GPATCH8: variants seen among roughly 807,000 people sequenced by gnomAD.
GPATCH8 encodes G patch domain-containing protein 8.
A neutral mutation model predicts 118.3 loss-of-function variants in GPATCH8; 18 were observed. The observed-to-expected ratio is 0.15, with a 90% CI of 0.11 to 0.23. The LOEUF is 0.23. GPATCH8 is among the 10% of genes least tolerant of loss of function. GPATCH8 has a pLI of 1.00. For missense variants in GPATCH8, 1,631 were observed against 1,873.8 expected, an observed-to-expected ratio of 0.87 and a Z score of 2.39; for synonymous variants, 659 against 684.7, an observed-to-expected ratio of 0.96 and a Z score of 0.59.
chr17:44,397,667 C>A lies in GPATCH8; in HGVS notation c.4410G>T (p.Arg1470=). The A allele has an allele frequency of 6.2e-7, 1 of 1,612,586 alleles. No homozygotes were observed. Among genetic ancestry groups the A allele is most frequent in the Non-Finnish European group, 8.5e-7 (1 of 1,178,998 alleles). ...GTGCAGTGGCAGCTGCTGCAGCAGGCCGTGGAGCAAGTAGGGTGGGGTAGA... is the reference window on the plus strand; with the variant it reads ...GTGCAGTGGCAGCTGCTGCAGCAGGACGTGGAGCAAGTAGGGTGGGGTAGA... ...AALYPTLLAP[R]PAAAAATALH... is the part of the protein sequence containing the mutation. Residue 1470 remains arginine (R), a synonymous_variant, in exon 8 of 8, where the codon CGG becomes CGT. Coordinates refer to ENST00000591680, the MANE Select transcript of GPATCH8 (RefSeq NM_001002909.4).
chr17:44,421,843 C>T lies in GPATCH8; in HGVS notation c.492+2506G>A, dbSNP rs970719273. 5.3e-5 allele frequency among the ~76,000 whole-genome samples: 8 copies of T among 151,940 alleles called. 1 individual carries two copies. The East Asian group carries it at 7.8e-4, about 15-fold the overall frequency. On this transcript the variant is annotated intron_variant, in intron 6 of 7. Coordinates refer to ENST00000591680, the MANE Select transcript of GPATCH8 (RefSeq NM_001002909.4). Reference sequence around the variant, plus strand: ...CCAGGTTCAGGCAATTCTCGTGCCTCGAACCCCCAAGCAGCTGGGATTACA... The same window carrying T: ...CCAGGTTCAGGCAATTCTCGTGCCTTGAACCCCCAAGCAGCTGGGATTACA...
At chr17:44,419,818 A>ACCCAGTGGGTTCCTCAGACATT (rs1300307305) in intron 6 of GPATCH8, among the ~76,000 whole-genome samples, 14 of 152,280 alleles carry the variant, frequency 9.2e-5, no homozygotes, top group Non-Finnish European at 1.3e-4. Flanking sequence ...GAGCCACTGC[A>ACCCAGTGGGTTCCTCAGACATT]CCCAGTGGGT....
intron 3 of GPATCH8, among the ~76,000 whole-genome samples, chr17:44,459,654 T>G (rs1050336103): frequency 1.3e-5 from 2 of 151,978 alleles, no homozygotes; most frequent in African/African-American, 4.8e-5. Flanking sequence ...ACATACTTAA[T>G]TTAAGTATGA....
At chr17:44,448,776 TA>T (rs538345312) in intron 3 of GPATCH8, among the ~76,000 whole-genome samples, 4,925 of 133,100 alleles carry the variant, frequency 0.037, 161 homozygotes, top group African/African-American at 0.092. Context: ...GCTAAGACTA[TA>T]AAAAAAAAAA....
At chr17:44,408,640 T>C (rs2049318691) in intron 6 of GPATCH8, among the ~76,000 whole-genome samples, 1 of 152,164 alleles carries the variant, frequency 6.6e-6, no homozygotes, top group South Asian at 2.1e-4. Flanking sequence ...TTTATCAAAG[T>C]ATGGAGTCCC....
Position 44,397,936 on chromosome 17 carries a change from G to T in GPATCH8, c.4141C>A (p.Gln1381Lys). The T allele has an allele frequency of 6.2e-7, 1 of 1,613,294 alleles. No homozygotes were observed. Among genetic ancestry groups the T allele is most frequent in the African/African-American group, 1.3e-5 (1 of 75,036 alleles). Reference sequence around the variant, plus strand: ...GCAGCAGCTGCGGCAGCATGATGTTGTAGGATGGCATGCTGAACAGTTGTG... The same window carrying T: ...GCAGCAGCTGCGGCAGCATGATGTTTTAGGATGGCATGCTGAACAGTTGTG... The part of the protein sequence containing the change: ...SITTVQHAIL[Q>K]HHAAAAAAAI... The change falls in exon 8 of 8, where the codon CAA (glutamine) becomes AAA (lysine). Residue 1381 changes from glutamine to lysine, a missense_variant. By Grantham distance (53) the Gln-to-Lys change is moderately conservative (BLOSUM62 1). Coordinates refer to ENST00000591680, the MANE Select transcript of GPATCH8 (RefSeq NM_001002909.4).
intron 6 of GPATCH8, among the ~76,000 whole-genome samples, chr17:44,420,081 G>A (rs888010019): frequency 1.3e-5 from 2 of 150,570 alleles, no homozygotes; most frequent in Non-Finnish European, 2.9e-5. Flanking sequence ...TTAAGATGAA[G>A]AAATAAACTC....
rs1216451999 is a variant in GPATCH8 at position 44,396,307 on chromosome 17, G to C, written c.*1261C>G. 6.6e-6 allele frequency: 3 copies of C among 454,328 alleles called. No individual in the cohort carries two copies. Among genetic ancestry groups the C allele is most frequent in the African/African-American group, 2.0e-5 (1 of 49,964 alleles). The allele number at this position is 454,328 out of a possible 1,614,324, so 28.1% of individuals were successfully genotyped here. ...TTGAATCCCCTCCTTCTCCTCTGTG[G>C]GGTCTACCTGTTTCTCTGTGTAAAA... On this transcript the variant is annotated 3_prime_UTR_variant, in exon 8 of 8. Transcript: ENST00000591680.
intron 3 of GPATCH8, among the ~76,000 whole-genome samples, chr17:44,446,096 T>C (rs1464958476): frequency 1.3e-5 from 2 of 151,494 alleles, no homozygotes; most frequent in East Asian, 2.0e-4. Context: ...CTCACCACCA[T>C]GTGTGGCTAA....
At chr17:44,495,497 T>G (rs1436213452) in intron 1 of GPATCH8, among the ~76,000 whole-genome samples, 2 of 152,190 alleles carry the variant, frequency 1.3e-5, no homozygotes, top group East Asian at 3.8e-4. Context: ...ACCTTACTAC[T>G]TATGTTATCT....
chr17:44,430,259 A>C (rs929603255), intron 5 of GPATCH8, among the ~76,000 whole-genome samples: 4 of 152,232 alleles, frequency 2.6e-5, no homozygotes, highest in African/African-American at 9.6e-5. Flanking sequence ...TTCTGTGTAC[A>C]GATGCAAAAA....
At chr17:44,471,863 C>T (rs1365478874) in intron 2 of GPATCH8, among the ~76,000 whole-genome samples, 1 of 99,476 alleles carries the variant, frequency 1.0e-5, no homozygotes, top group African/African-American at 3.9e-5. Context: ...TTTCTGTGAC[C>T]AAAAAAAGTA....
At chr17:44,464,795 A>G in intron 2 of GPATCH8, 1 of 471,490 alleles carries the variant, frequency 2.1e-6, no homozygotes. Context: ...ACTTTTGTAT[A>G]TAACATTTTT....
At chr17:44,414,527 T>C (rs2049604020) in intron 6 of GPATCH8, among the ~76,000 whole-genome samples, 1 of 152,184 alleles carries the variant, frequency 6.6e-6, no homozygotes, top group Non-Finnish European at 1.5e-5. Context: ...CAGGATAGTC[T>C]CAAACTCCTG....
In GPATCH8 at chr17:44,431,108, C is replaced by T. The variant is rs139152656; in HGVS notation, c.348+3957G>A. On this transcript the variant is annotated intron_variant, in intron 5 of 7. Transcript: ENST00000591680. ...TGAGGGGGCCAGGCACAGTGGCTCA[C>T]GCCTGTAATCCCAGCATTTTGGGAG... Among the ~76,000 whole-genome samples the T allele has an allele frequency of 4.0e-3, 603 of 151,730 alleles. 15 individuals are homozygous for T. The East Asian group carries it at 0.051, about 13-fold the overall frequency.
At chr17:44,401,558 T>C in intron 7 of GPATCH8, 105 bp from the exon 8 acceptor site, 6 of 808,300 alleles carry the variant, frequency 7.4e-6, no homozygotes, top group South Asian at 6.9e-5. Context: ...TCATTATAGG[T>C]AGGTCTCAAA....
intron 3 of GPATCH8, among the ~76,000 whole-genome samples, chr17:44,456,964 G>C (rs894740938): frequency 2.6e-5 from 4 of 152,034 alleles, no homozygotes; most frequent in Non-Finnish European, 5.9e-5. Context: ...CTGGGTTCAA[G>C]TGATTCTCCT....
At chr17:44,477,718 G>T (rs1049763435) in intron 1 of GPATCH8, among the ~76,000 whole-genome samples, 2 of 150,078 alleles carry the variant, frequency 1.3e-5, no homozygotes, top group African/African-American at 4.9e-5. Context: ...AAAAAAAAAA[G>T]GACTTAAAAG....
At chr17:44,442,651 G>A (rs890813073) in intron 3 of GPATCH8, among the ~76,000 whole-genome samples, 4 of 152,192 alleles carry the variant, frequency 2.6e-5, no homozygotes, top group Non-Finnish European at 5.9e-5. Context: ...TTTTAGTAGA[G>A]ATGGGGTTTC....
Sources: gnomAD v4.1 joint callset for allele counts (sites outside exome capture counted in the v4.1 genomes callset) on GRCh38, gnomAD v4.1.1 for gene constraint, MANE v1.5 for transcripts, NCBI Gene and HGNC (gene_info 2026-07-23, HGNC 2026-07-21) for gene names.